EXTL1: variants seen among roughly 807,000 people sequenced by gnomAD.
EXTL1 encodes the protein exostosin-like 1.
A neutral mutation model predicts 64.6 loss-of-function variants in EXTL1; 43 were observed. The ratio of observed to expected loss-of-function variants is 0.67; its 90% CI spans 0.52 to 0.86. EXTL1 has a LOEUF of 0.86. Ranked by LOEUF, EXTL1 falls within the 40% of genes least tolerant of loss-of-function variation. The pLI, the probability that EXTL1 is intolerant of heterozygous loss-of-function variation, is 0.00. For missense variants in EXTL1, 766 were observed against 879.0 expected (o/e 0.87, Z 1.62); for synonymous variants, 352 against 360.5 (o/e 0.98, Z 0.27).
rs200312696 is a variant in EXTL1 at position 26,022,863 on chromosome 1, C to G, written c.217C>G (p.Gln73Glu). The G allele has an allele frequency of 2.6e-4, 413 of 1,614,072 alleles. No individual in the cohort carries two copies. Among genetic ancestry groups the G allele is most frequent in the Middle Eastern group, 4.9e-4 (3 of 6,062 alleles). Reference protein sequence around the residue: ...ELPEDAVSPPQAPHGGSCNWE... With the variant: ...ELPEDAVSPPEAPHGGSCNWE... ...CCCAGAAGATGCCGTTTCACCTCCTCAAGCCCCTCATGGTGGCAGCTGCAA... is the reference window on the plus strand; with the variant it reads ...CCCAGAAGATGCCGTTTCACCTCCTGAAGCCCCTCATGGTGGCAGCTGCAA... Residue 73 changes from glutamine to glutamate, a missense_variant, in exon 1 of 11, where the codon CAA becomes GAA. Gln to Glu is a conservative substitution (Grantham distance 29). Coordinates refer to ENST00000374280, the MANE Select transcript of EXTL1 (RefSeq NM_004455.3).
rs536267900 is a variant in EXTL1 at position 26,035,352 on chromosome 1, G to C, written c.*5G>C. 1 of 1,597,756 alleles carries C rather than the reference G, an allele frequency of 6.3e-7. No homozygotes were observed. ...CGCAGCCTGGAGAAGCCCTAGGGGG[G>C]CGACCCGCGGAGACCCCAGCAGAGG... On this transcript the variant is annotated 3_prime_UTR_variant, in exon 11 of 11. Transcript: ENST00000374280. This position sits in a 1 kb window ranked among gnomAD's most constrained non-coding sequence, Gnocchi z 5.3.
chr1:26,034,762 G>C lies in EXTL1; in HGVS notation c.1680-74G>C. On this transcript the variant is annotated intron_variant, in intron 9 of 10. Coordinates refer to ENST00000374280, the MANE Select transcript of EXTL1 (RefSeq NM_004455.3). The surrounding 1 kb of genome is among the most constrained non-coding windows in gnomAD (Gnocchi z 4.6). ...GGATGGGGGTCAAAGGGAGAGGTGA[G>C]GTCAGGAGGGAGGAGAATGGGGCCT... 2 of 1,482,058 alleles carry C rather than the reference G, an allele frequency of 1.3e-6. No homozygotes were observed. The highest frequency in any genetic ancestry group is 1.9e-6 in the Non-Finnish European group (2 of 1,075,732). 91.8% of individuals were successfully genotyped at this position (1,482,058 alleles called of 1,614,324 possible).
rs760404322 is a variant in EXTL1, at chr1:26,034,367, A to G, written c.1680-469A>G. Among the ~76,000 whole-genome samples the G allele has an allele frequency of 6.6e-6, 1 of 152,182 alleles. No homozygotes were observed. Among genetic ancestry groups the G allele is most frequent in the Non-Finnish European group, 1.5e-5 (1 of 68,040 alleles). On this transcript the variant is annotated intron_variant, in intron 9 of 10. Coordinates refer to ENST00000374280, the MANE Select transcript of EXTL1 (RefSeq NM_004455.3). This position sits in a 1 kb window ranked among gnomAD's most constrained non-coding sequence, Gnocchi z 4.6. ...AAATATGCATAACGTGGAACCTCTT[A>G]TAGATTACTCAGGAGCTCTGCAGGG...
chr1:26,033,857 G>GT lies in EXTL1; in HGVS notation c.1679+2dup, dbSNP rs759612514. The stretch of plus-strand genomic sequence containing the variant: ...TCACCACAGCCGCCTTCTACCATAG[G>GT]TACAGACCCCTACCCTGCACAGGGA... On this transcript the variant is annotated splice_donor_variant, in intron 9 of 10. Transcript: ENST00000374280. LOFTEE classifies it high-confidence loss of function. This position sits in a 1 kb window ranked among gnomAD's most constrained non-coding sequence, Gnocchi z 5.1. 4 of 1,612,660 alleles carry GT rather than the reference G, an allele frequency of 2.5e-6. No homozygotes were observed. Among genetic ancestry groups the GT allele is most frequent in the Non-Finnish European group, 3.4e-6 (4 of 1,179,214 alleles).
chr1:26,033,796 A>G lies in EXTL1; in HGVS notation c.1619A>G (p.Tyr540Cys). 2.5e-6 allele frequency: 4 copies of G among 1,614,122 alleles called. No homozygotes were observed. The highest frequency in any genetic ancestry group is 3.4e-6 in the Non-Finnish European group (4 of 1,179,982). Residue 540 changes from tyrosine to cysteine, a missense_variant, in exon 9 of 11, where the codon TAC (tyrosine) becomes TGC (cysteine). Tyr to Cys is a radical substitution (Grantham distance 194, BLOSUM62 -2). This residue lies in a region of EXTL1 where 194 missense variants were observed against 214.5 expected (regional missense o/e 0.90). Transcript: ENST00000374280. This position sits in a 1 kb window ranked among gnomAD's most constrained non-coding sequence, Gnocchi z 5.1. Reference sequence around the variant, plus strand: ...GACGAGGCCCATGGTGGCTGGGGCTACACTGCTGAGAGGACCAACGAATTC... The same window carrying G: ...GACGAGGCCCATGGTGGCTGGGGCTGCACTGCTGAGAGGACCAACGAATTC... ...FWDEAHGGWG[Y>C]TAERTNEFSM... is the part of the protein sequence containing the mutation.
chr1:26,033,676 T>C lies in EXTL1; in HGVS notation c.1519-20T>C, dbSNP rs1373530896. On this transcript the variant is annotated intron_variant, in intron 8 of 10. Transcript: ENST00000374280. This position sits in a 1 kb window ranked among gnomAD's most constrained non-coding sequence, Gnocchi z 5.1. ...CATTTAGGAGGTCCTTCCTCACAGC[T>C]CACTTGAGTCCCTCCCCAGGTGGAC... is the stretch of plus-strand genomic sequence containing the variant. 1 of 1,611,548 alleles carries C rather than the reference T, an allele frequency of 6.2e-7. No homozygotes were observed. Among genetic ancestry groups the C allele is most frequent in the African/African-American group, 1.3e-5 (1 of 74,872 alleles).
At position 26,029,304 on chromosome 1, in the gene EXTL1, G is replaced by A. The variant is rs1160103655; in HGVS notation, c.873+18G>A. 1.3e-6 allele frequency: 2 copies of A among 1,598,288 alleles called. No individual in the cohort carries two copies. The highest frequency in any genetic ancestry group is 1.7e-6 in the Non-Finnish European group (2 of 1,165,886). On this transcript the variant is annotated intron_variant, in intron 2 of 10. Transcript: ENST00000374280. ...CCCTGCAGGTACAACCCCAATTTGA[G>A]CATCACCCATCCTCTGTCCCCCAGC...
At position 26,025,390 on chromosome 1, in the gene EXTL1, C is replaced by T. The variant is rs2050203730; in HGVS notation, c.779+1965C>T. On this transcript the variant is annotated intron_variant, in intron 1 of 10. Coordinates refer to ENST00000374280, the MANE Select transcript of EXTL1 (RefSeq NM_004455.3). This position sits in a 1 kb window ranked among gnomAD's most constrained non-coding sequence, Gnocchi z 5.3. ...AGTCACTGCTGATCCTGTCATGCAC[C>T]CTTCAAGGGAGGTATTATTATCTCC... is the stretch of plus-strand genomic sequence containing the variant. 6.6e-6 allele frequency among the ~76,000 whole-genome samples: 1 copy of T among 152,160 alleles called. No homozygotes were observed.
At chr1:26,026,496 G>T (rs1156704711) in intron 1 of EXTL1, among the ~76,000 whole-genome samples, 3 of 151,990 alleles carry the variant, frequency 2.0e-5, no homozygotes, top group African/African-American at 7.2e-5. Flanking sequence ...GTTTCACCAT[G>T]TTGGTCAGGC....
In EXTL1 at chr1:26,029,628, C is replaced by G; in HGVS notation, c.902C>G (p.Pro301Arg). The change falls in exon 3 of 11, where the codon CCC becomes CGC. Residue 301 changes from proline to arginine, a missense_variant. By Grantham distance (103) the Pro-to-Arg change is moderately radical. Transcript: ENST00000374280. ...GGCTGCATCCCAGTGCTTCTCAGCC[C>G]CCGCTGGGAGCTGCCCTTCTCCGAG... is the stretch of plus-strand genomic sequence containing the variant. ...QAGCIPVLLS[P>R]RWELPFSEVI... 6.2e-7 allele frequency: 1 copy of G among 1,610,880 alleles called. No individual in the cohort carries two copies. The highest frequency in any genetic ancestry group is 8.5e-7 in the Non-Finnish European group (1 of 1,179,402).
chr1:26,024,411 G>T (rs2050192917), intron 1 of EXTL1, among the ~76,000 whole-genome samples: 1 of 152,120 alleles, frequency 6.6e-6, no homozygotes. Flanking sequence ...CCTCCCTCAG[G>T]TCTCTCTCCC....
chr1:26,030,694 C>A, intron 4 of EXTL1, 99 bp downstream of exon 4: 3 of 1,361,636 alleles, frequency 2.2e-6, no homozygotes, highest in Non-Finnish European at 3.0e-6. Flanking sequence ...GGAACCCCCC[C>A]CCCTTCCTTG....
intron 1 of EXTL1, among the ~76,000 whole-genome samples, chr1:26,027,689 T>TAAAAAAAAAAAAAAAAAAAAAAAAAAA (rs61364586): frequency 3.5e-5 from 2 of 57,068 alleles, no homozygotes; most frequent in Admixed American, 1.9e-4. Flanking sequence ...ACCCCATCTC[T>TAAAAAAAAAAAAAAAAAAAAAAAAAAA]AAAAAAAAAA....
At chr1:26,031,007 C>T in intron 4 of EXTL1, 125 bp from the exon 5 acceptor site, 1 of 1,196,990 alleles carries the variant, frequency 8.4e-7, no homozygotes, top group Non-Finnish European at 1.2e-6. Flanking sequence ...GCCCCCTACT[C>T]TAGACTCAGC....
chr1:26,028,003 A>G (rs1056043959), intron 1 of EXTL1, among the ~76,000 whole-genome samples: 2 of 152,170 alleles, frequency 1.3e-5, no homozygotes, highest in African/African-American at 4.8e-5. Flanking sequence ...TTTTCAATTC[A>G]TTAGAGGTTG....
rs1472601269 is a variant in EXTL1, at chr1:26,035,757, C to T, written c.*410C>T. 5.6e-6 allele frequency: 1 copy of T among 179,502 alleles called. No homozygotes were observed. The highest frequency in any genetic ancestry group is 1.2e-5 in the Non-Finnish European group (1 of 86,444). 11.1% of individuals were successfully genotyped at this position (179,502 alleles called of 1,614,324 possible). A position where few individuals can be genotyped will look rare whatever the true frequency, so the allele number is the denominator to read the frequency against. ...CAGGCCCCAGGACTGGCTTGCGAGC[C>T]CCGGGGGGCGGGTCGTGTCGTGTCC... On this transcript the variant is annotated 3_prime_UTR_variant, in exon 11 of 11. Transcript: ENST00000374280. The surrounding 1 kb of genome is among the most constrained non-coding windows in gnomAD (Gnocchi z 5.3).
At position 26,033,413 on chromosome 1, in the gene EXTL1, C is replaced by A; in HGVS notation, c.1518+98C>A. On this transcript the variant is annotated intron_variant, in intron 8 of 10. Transcript: ENST00000374280. The surrounding 1 kb of genome is among the most constrained non-coding windows in gnomAD (Gnocchi z 5.1). ...TCCCAGGGTTGAGGGGACCCCAGGT[C>A]ATGAGGTCCAGCCTCTTGCATTTGA... 1 of 1,051,254 alleles carries A rather than the reference C, an allele frequency of 9.5e-7. No individual in the cohort carries two copies. The highest frequency in any genetic ancestry group is 1.5e-6 in the Non-Finnish European group (1 of 679,364). 65.1% of individuals were successfully genotyped at this position (1,051,254 alleles called of 1,614,324 possible). A position where few individuals can be genotyped will look rare whatever the true frequency, so the allele number is the denominator to read the frequency against.
In EXTL1 at chr1:26,033,054, A is replaced by G. The variant is rs2050304560; in HGVS notation, c.1432-175A>G. On this transcript the variant is annotated intron_variant, in intron 7 of 10. Coordinates refer to ENST00000374280, the MANE Select transcript of EXTL1 (RefSeq NM_004455.3). This position sits in a 1 kb window ranked among gnomAD's most constrained non-coding sequence, Gnocchi z 5.1. The stretch of plus-strand genomic sequence containing the variant: ...AGGTCAAATGAGTTGCCCAGGTCCC[A>G]AAACGAGCTCTGCACAGGCTTGCCA... 6.6e-6 allele frequency among the ~76,000 whole-genome samples: 1 copy of G among 152,186 alleles called. No homozygotes were observed. The highest frequency in any genetic ancestry group is 2.4e-5 in the African/African-American group (1 of 41,440).
At chr1:26,026,386 T>C (rs1394735587) in intron 1 of EXTL1, among the ~76,000 whole-genome samples, 2 of 151,188 alleles carry the variant, frequency 1.3e-5, no homozygotes, top group African/African-American at 4.9e-5. Flanking sequence ...CTCCACTTCC[T>C]GGGTTCAAGC....
Sources: gnomAD v4.1 joint callset for allele counts (sites outside exome capture counted in the v4.1 genomes callset) on GRCh38, gnomAD v4.1.1 for gene constraint, gnomAD v4.1.1 regional missense constraint, Gnocchi (gnomAD v3.1) non-coding constraint, MANE v1.5 for transcripts, NCBI Gene and HGNC (gene_info 2026-07-23, HGNC 2026-07-21) for gene names.